PRKG1: variants seen among roughly 807,000 people sequenced by gnomAD.
The protein encoded by PRKG1 is protein kinase cGMP-dependent 1, also known as cGMP-dependent protein kinase 1.
PRKG1 carries 35 observed loss-of-function variants against 88.1 expected under a neutral mutation model. The observed-to-expected ratio is 0.40, with a 90% CI of 0.30 to 0.53. PRKG1 has a LOEUF of 0.53. Ranked by LOEUF, PRKG1 falls within the 20% of genes least tolerant of loss-of-function variation. The pLI, the probability that PRKG1 is intolerant of heterozygous loss-of-function variation, is 0.59. For missense variants in PRKG1, 540 were observed against 839.8 expected (o/e 0.64, Z 4.41); for synonymous variants, 303 against 292.5 (o/e 1.04, Z -0.37).
At chr10:51,223,751 A>G (rs138012932) in intron 2 of PRKG1, among the ~76,000 whole-genome samples, 1 of 152,284 alleles carries the variant, frequency 6.6e-6, no homozygotes, top group African/African-American at 2.4e-5. Flanking sequence ...TATTCTGCAC[A>G]TATAATTATT....
chr10:51,734,660 T>G (rs1051647558), intron 3 of PRKG1, among the ~76,000 whole-genome samples: 1 of 152,118 alleles, frequency 6.6e-6, no homozygotes, highest in Non-Finnish European at 1.5e-5. Flanking sequence ...AATTTTTCAC[T>G]AAGGGATGGT....
chr10:52,258,299 A>G (rs565861519), intron 10 of PRKG1, among the ~76,000 whole-genome samples: 2 of 139,524 alleles, frequency 1.4e-5, no homozygotes, highest in African/African-American at 4.9e-5. Flanking sequence ...CAGCTCTTAC[A>G]AAAGTTGACA....
intron 2 of PRKG1, among the ~76,000 whole-genome samples, chr10:51,266,509 T>C (rs1229520137): frequency 6.6e-6 from 1 of 152,208 alleles, no homozygotes; most frequent in Admixed American, 6.5e-5. Flanking sequence ...TCTTTCTTCC[T>C]GAGAAGCCAG....
chr10:51,929,964 T>C lies in PRKG1; in HGVS notation c.762+22394T>C, dbSNP rs147929568. On this transcript the variant is annotated intron_variant, in intron 5 of 17. Coordinates refer to ENST00000373980, the MANE Select transcript of PRKG1 (RefSeq NM_006258.4). ...TTCCACATAGAAGCGTTATTGGAAA[T>C]CTCAGTTACTGTAAGGTAGCATCAG... Among the ~76,000 whole-genome samples, 14 of 152,268 alleles carry C rather than the reference T, an allele frequency of 9.2e-5. No homozygotes were observed. In the East Asian group the frequency reaches 2.7e-3, roughly 29 times the overall value.
intron 5 of PRKG1, among the ~76,000 whole-genome samples, chr10:51,925,543 G>A (rs1842556471): frequency 6.6e-6 from 1 of 152,064 alleles, no homozygotes; most frequent in African/African-American, 2.4e-5. Context: ...CTTCCAGGTT[G>A]GTTAATCCTT....
At chr10:51,200,025 A>G (rs776286379) in intron 2 of PRKG1, among the ~76,000 whole-genome samples, 50 of 152,248 alleles carry the variant, frequency 3.3e-4, no homozygotes, top group Admixed American at 2.7e-3. Context: ...GGGACATACA[A>G]AAGAAAGAAG....
chr10:51,608,292 C>T (rs1437809286), intron 3 of PRKG1, among the ~76,000 whole-genome samples: 2 of 152,072 alleles, frequency 1.3e-5, no homozygotes, highest in Admixed American at 6.6e-5. Context: ...AATGAGGAGA[C>T]GGAAGGAAAC....
At chr10:51,776,880 T>C (rs747348061) in intron 3 of PRKG1, among the ~76,000 whole-genome samples, 8 of 152,028 alleles carry the variant, frequency 5.3e-5, no homozygotes, top group Non-Finnish European at 8.8e-5. Flanking sequence ...GACTATATGA[T>C]GAGGCAAGAG....
chr10:52,166,798 C>CGTATATATAT (rs1564498372), intron 9 of PRKG1, among the ~76,000 whole-genome samples: 1 of 96,772 alleles, frequency 1.0e-5, no homozygotes, highest in Non-Finnish European at 1.8e-5. Context: ...TATATATATA[C>CGTATATATAT]ATATATATAT....
At chr10:51,842,902 C>T (rs1375594933) in intron 4 of PRKG1, among the ~76,000 whole-genome samples, 1 of 151,638 alleles carries the variant, frequency 6.6e-6, no homozygotes, top group African/African-American at 2.4e-5. Context: ...ATATTTAATG[C>T]TTACTCTAAG....
intron 3 of PRKG1, among the ~76,000 whole-genome samples, chr10:51,628,014 CTTTCTTTCTT>C (rs1564579892): frequency 1.4e-3 from 78 of 55,220 alleles, no homozygotes; most frequent in South Asian, 3.9e-3. Flanking sequence ...CTCTCTCTTT[CTTTCTTTCTT>C]TCTTTCTTTC....
At chr10:52,164,992 T>C (rs912103724) in intron 9 of PRKG1, among the ~76,000 whole-genome samples, 14 of 152,178 alleles carry the variant, frequency 9.2e-5, no homozygotes, top group African/African-American at 3.1e-4. Flanking sequence ...TAAACCCAAA[T>C]GAATGTATAG....
chr10:52,284,724 A>T (rs531149214), intron 14 of PRKG1, among the ~76,000 whole-genome samples: 1 of 152,022 alleles, frequency 6.6e-6, no homozygotes, highest in Non-Finnish European at 1.5e-5. Flanking sequence ...AAAAGCAAAG[A>T]CTGTTCATGC....
chr10:51,810,663 GCTAC>G (rs2132622678), intron 4 of PRKG1, among the ~76,000 whole-genome samples: 1 of 152,074 alleles, frequency 6.6e-6, no homozygotes, highest in South Asian at 2.1e-4. Context: ...AAATAAATGT[GCTAC>G]CTATTTATAT....
intron 3 of PRKG1, among the ~76,000 whole-genome samples, chr10:51,501,962 A>G (rs1841040517): frequency 6.6e-6 from 1 of 152,082 alleles, no homozygotes; most frequent in South Asian, 2.1e-4. Context: ...TTGTGATTTC[A>G]TGCAGCATTT....
At chr10:51,699,467 G>A in intron 3 of PRKG1, 1 of 1,613,846 alleles carries the variant, frequency 6.2e-7, no homozygotes, top group Middle Eastern at 1.6e-4. Flanking sequence ...CTGCTCCTCA[G>A]TTGCCTCATA....
intron 2 of PRKG1, among the ~76,000 whole-genome samples, chr10:51,304,484 T>A (rs1298909951): frequency 2.6e-5 from 4 of 152,050 alleles, no homozygotes; most frequent in Non-Finnish European, 5.9e-5. Context: ...TTTATTTTTT[T>A]ATTTTATTAT....
At chr10:51,945,861 C>T (rs1481385511) in intron 5 of PRKG1, among the ~76,000 whole-genome samples, 1 of 151,550 alleles carries the variant, frequency 6.6e-6, no homozygotes, top group Non-Finnish European at 1.5e-5. Flanking sequence ...GTGGGTAACC[C>T]GACCTTTCTC....
At position 51,023,291 on chromosome 10, in the gene PRKG1, T is replaced by C. The variant is rs559269753; in HGVS notation, c.266+31647T>C. On this transcript the variant is annotated intron_variant, in intron 1 of 17. Coordinates refer to the PRKG1 transcript ENST00000401604. ...CTGCCCTTCTGCCACTATGAAACATTGTTTACTAAATAAAGAGCACTTGTC... is the reference window on the plus strand; with the variant it reads ...CTGCCCTTCTGCCACTATGAAACATCGTTTACTAAATAAAGAGCACTTGTC... 4.6e-5 allele frequency among the ~76,000 whole-genome samples: 7 copies of C among 152,326 alleles called. No homozygotes were observed. The South Asian group carries it at 1.4e-3, about 32-fold the overall frequency.
Sources: gnomAD v4.1 joint callset for allele counts (sites outside exome capture counted in the v4.1 genomes callset) on GRCh38, gnomAD v4.1.1 for gene constraint, MANE v1.5 for transcripts, NCBI Gene and HGNC (gene_info 2026-07-23, HGNC 2026-07-21) for gene names.